The following DENND1A variants were observed in gnomAD, a reference collection of about 807,000 sequenced individuals.
DENND1A encodes DENN domain-containing protein 1A.
Under a neutral mutation model 113.7 loss-of-function variants are expected in DENND1A, and 51 were observed. The ratio of observed to expected loss-of-function variants is 0.45; its 90% CI spans 0.36 to 0.57. The LOEUF is 0.57. Ranked by LOEUF, DENND1A falls within the 20% of genes least tolerant of loss-of-function variation. The pLI is 0.00. For synonymous variants in DENND1A, 565 were observed against 570.8 expected (o/e 0.99, Z 0.14); for missense variants, 1,258 against 1,395.9 (o/e 0.90, Z 1.57).
chr9:123,773,199 CA>C (rs1236451511), intron 3 of DENND1A, among the ~76,000 whole-genome samples: 5 of 152,098 alleles, frequency 3.3e-5, no homozygotes, highest in African/African-American at 9.7e-5. Context: ...ATACATGAAG[CA>C]GCAGATTGCA....
At chr9:123,786,645 C>T (rs1043853883) in intron 3 of DENND1A, among the ~76,000 whole-genome samples, 1 of 152,176 alleles carries the variant, frequency 6.6e-6, no homozygotes, top group Non-Finnish European at 1.5e-5. Context: ...TGCTGCCAAA[C>T]ACAGATATGA....
intron 2 of DENND1A, among the ~76,000 whole-genome samples, chr9:123,819,361 A>G (rs1005044275): frequency 1.3e-5 from 2 of 152,206 alleles, no homozygotes; most frequent in African/African-American, 4.8e-5. Flanking sequence ...TCCAAAATTC[A>G]GAAACTGAAT....
chr9:123,482,392 C>T (rs2050418489), intron 13 of DENND1A, among the ~76,000 whole-genome samples: 2 of 152,340 alleles, frequency 1.3e-5, no homozygotes, highest in African/African-American at 4.8e-5. Context: ...ACCACCGCAC[C>T]CGGCCCATTA....
intron 8 of DENND1A, among the ~76,000 whole-genome samples, chr9:123,657,288 A>ATGGCTGCTCCCTTC (rs1368268674): frequency 6.6e-6 from 1 of 152,008 alleles, no homozygotes; most frequent in Non-Finnish European, 1.5e-5. Context: ...AAGCCTTATA[A>ATGGCTGCTCCCTTC]TGGCTGCTCC....
intron 5 of DENND1A, among the ~76,000 whole-genome samples, chr9:123,726,690 GA>G (rs967791359): frequency 6.6e-6 from 1 of 152,096 alleles, no homozygotes; most frequent in African/African-American, 2.4e-5. Flanking sequence ...TAATAATGGT[GA>G]AAAAAACAGC....
intron 13 of DENND1A, among the ~76,000 whole-genome samples, chr9:123,512,496 G>A (rs1253363006): frequency 6.6e-6 from 1 of 152,240 alleles, no homozygotes; most frequent in African/African-American, 2.4e-5. Flanking sequence ...AATGAGGAGA[G>A]GTGAGTGTCC....
At chr9:123,559,465 G>A (rs1311109923) in intron 12 of DENND1A, among the ~76,000 whole-genome samples, 1 of 152,148 alleles carries the variant, frequency 6.6e-6, no homozygotes, top group African/African-American at 2.4e-5. Flanking sequence ...GTATGAATGA[G>A]TGAAGATTAT....
At chr9:123,799,308 T>C (rs1052207530) in intron 2 of DENND1A, among the ~76,000 whole-genome samples, 12 of 152,180 alleles carry the variant, frequency 7.9e-5, no homozygotes, top group Admixed American at 1.3e-4. Context: ...GTTAAAGCAA[T>C]AGGTTATCAC....
chr9:123,790,041 G>A (rs1280661007), intron 3 of DENND1A, among the ~76,000 whole-genome samples: 1 of 151,858 alleles, frequency 6.6e-6, no homozygotes, highest in Non-Finnish European at 1.5e-5. Context: ...TATACTTTGT[G>A]GTGAATTATC....
At chr9:123,754,578 T>C (rs912237011) in intron 5 of DENND1A, among the ~76,000 whole-genome samples, 9 of 152,140 alleles carry the variant, frequency 5.9e-5, no homozygotes, top group African/African-American at 2.2e-4. Context: ...AGATACAGCA[T>C]ACTGTATTGT....
chr9:123,929,233 A>T (rs892520429), intron 1 of DENND1A, among the ~76,000 whole-genome samples: 3 of 152,212 alleles, frequency 2.0e-5, no homozygotes, highest in African/African-American at 4.8e-5. Context: ...GAGTGAGGGA[A>T]TTCGCCAGAT....
chr9:123,608,432 C>T (rs1297318938), intron 11 of DENND1A, among the ~76,000 whole-genome samples: 1 of 152,154 alleles, frequency 6.6e-6, no homozygotes, highest in Admixed American at 6.5e-5. Flanking sequence ...TAGATTTTCC[C>T]TCTGAGAGCT....
intron 3 of DENND1A, among the ~76,000 whole-genome samples, chr9:123,785,575 C>T (rs894520939): frequency 6.6e-6 from 1 of 152,038 alleles, no homozygotes; most frequent in Non-Finnish European, 1.5e-5. Flanking sequence ...TAAACATATA[C>T]AAAAGAAGCA....
chr9:123,457,265 A>G, intron 15 of DENND1A, 83 bp downstream of exon 15: 2 of 1,056,024 alleles, frequency 1.9e-6, no homozygotes, highest in Admixed American at 3.5e-5. Context: ...ATAAAGGAAA[A>G]GCAAGTCACT....
chr9:123,620,213 C>CAAAAAAAAAAA (rs34196587), intron 10 of DENND1A, among the ~76,000 whole-genome samples: 74 of 58,838 alleles, frequency 1.3e-3, no homozygotes, highest in East Asian at 2.7e-3. Context: ...GACTCCATCT[C>CAAAAAAAAAAA]AAAAAAAAAA....
intron 13 of DENND1A, among the ~76,000 whole-genome samples, chr9:123,537,894 T>C (rs1372537964): frequency 6.6e-6 from 1 of 152,194 alleles, no homozygotes; most frequent in African/African-American, 2.4e-5. Flanking sequence ...CCCAGGAACT[T>C]TCCTAGGGGA....
At chr9:123,635,014 G>A (rs1332667397) in intron 9 of DENND1A, among the ~76,000 whole-genome samples, 1 of 152,096 alleles carries the variant, frequency 6.6e-6, no homozygotes, top group African/African-American at 2.4e-5. Context: ...AAAGGGAGAC[G>A]AGGAGAAGGC....
intron 10 of DENND1A, among the ~76,000 whole-genome samples, chr9:123,622,523 G>A (rs1001467791): frequency 2.0e-5 from 3 of 152,102 alleles, no homozygotes; most frequent in Admixed American, 6.5e-5. Context: ...CAATTAGCAA[G>A]TCATCAAGAA....
rs1421877966 is a variant in DENND1A at position 123,380,004 on chromosome 9, G to A, written c.*1428C>T. 1 of 152,266 alleles carries A rather than the reference G, an allele frequency of 6.6e-6. No homozygotes were observed. The highest frequency in any genetic ancestry group is 6.5e-5 in the Admixed American group (1 of 15,282). 9.4% of individuals were successfully genotyped at this position (152,266 alleles called of 1,614,324 possible). A position where few individuals can be genotyped will look rare whatever the true frequency, so the allele number is the denominator to read the frequency against. ...ACAGGTCACGGTTGACCCAGGAAGA[G>A]CCATGTGCCAGGATGGCCGCCAAGC... On this transcript the variant is annotated 3_prime_UTR_variant, in exon 24 of 24. Transcript: ENST00000394215.
Sources: allele counts gnomAD v4.1 joint callset (sites outside exome capture counted in the v4.1 genomes callset), GRCh38; gene constraint gnomAD v4.1.1; transcripts MANE v1.5; gene names NCBI Gene and HGNC (gene_info 2026-07-23, HGNC 2026-07-21).